The following ESPL1 variants were observed in gnomAD, a reference collection of about 807,000 sequenced individuals.
ESPL1 encodes separin.
Under a neutral mutation model 217.2 loss-of-function variants are expected in ESPL1, and 50 were observed. The ratio of observed to expected loss-of-function variants is 0.23; its 90% confidence interval spans 0.18 to 0.29. The LOEUF (loss-of-function observed/expected upper bound fraction) is 0.29. Ranked by LOEUF, ESPL1 falls within the 10% of genes least tolerant of loss-of-function variation. The probability of loss-of-function intolerance (pLI) is 1.00; values close to 1 mark genes in which losing one functional copy is unlikely to be tolerated. For missense variants in ESPL1, 1,834 were observed against 2,603.0 expected, an observed-to-expected ratio of 0.70 and a Z score of 6.43; for synonymous variants, 994 against 1,081.3, an observed-to-expected ratio of 0.92 and a Z score of 1.58.
In ESPL1 at chr12:53,269,533, A is replaced by G. The variant is rs1267691258; in HGVS notation, c.591A>G (p.Arg197=). Residue 197 remains arginine (R), a synonymous_variant, in exon 3 of 31, where the codon CGA becomes CGG. Coordinates refer to ENST00000257934, the MANE Select transcript of ESPL1 (RefSeq NM_012291.5). The surrounding 1 kb of genome is among the most constrained non-coding windows in gnomAD (Gnocchi z 6.7). ...VPHFASPTAC[R]AVAAHQLFDA... ...ACTTTGCTTCTCCAACAGCCTGTCG[A>G]GCGGTAGCTGCCCATCAGCTATTTG... 33 of 1,614,056 alleles carry G rather than the reference A, an allele frequency of 2.0e-5. No homozygotes were observed. The highest frequency in any genetic ancestry group is 2.5e-5 in the Non-Finnish European group (30 of 1,180,034).
At chr12:53,270,948 C>T (rs1943659292) in intron 5 of ESPL1, 150 bp downstream of exon 5, 3 of 789,738 alleles carry the variant, frequency 3.8e-6, no homozygotes, top group African/African-American at 3.5e-5. Flanking sequence ...GTACCAGCTA[C>T]TCTGTGTTTA....
chr12:53,269,535 C>T lies in ESPL1; in HGVS notation c.593C>T (p.Ala198Val), dbSNP rs1340133033. Residue 198 changes from alanine (A) to valine (V), a missense_variant, in exon 3 of 31, where the codon GCG (alanine) becomes GTG (valine). Ala to Val is a moderately conservative substitution (Grantham distance 64). This residue lies in a region of ESPL1 where 746 missense variants were observed against 1,077.0 expected (regional missense o/e 0.69). Coordinates refer to ENST00000257934, the MANE Select transcript of ESPL1 (RefSeq NM_012291.5). This position sits in a 1 kb window ranked among gnomAD's most constrained non-coding sequence, Gnocchi z 6.7. ...TTTGCTTCTCCAACAGCCTGTCGAG[C>T]GGTAGCTGCCCATCAGCTATTTGAT... ...PHFASPTACRAVAAHQLFDAS... is the reference protein window; with the variant it reads ...PHFASPTACRVVAAHQLFDAS... 1.2e-5 allele frequency: 19 copies of T among 1,614,096 alleles called. No individual in the cohort carries two copies. The highest frequency in any genetic ancestry group is 5.3e-5 in the African/African-American group (4 of 74,942).
At chr12:53,273,534 G>A (rs1943712372) in intron 6 of ESPL1, among the ~76,000 whole-genome samples, 1 of 151,188 alleles carries the variant, frequency 6.6e-6, no homozygotes, top group Admixed American at 6.6e-5. Flanking sequence ...TGAGGCAGGT[G>A]GATCACCTGA....
chr12:53,270,654 C>T, intron 4 of ESPL1, 24 bp from the exon 5 acceptor site: 1 of 1,614,004 alleles, frequency 6.2e-7, no homozygotes. Flanking sequence ...ACTCCTCACT[C>T]TCAAACCCTT....
intron 3 of ESPL1, 61 bp downstream of exon 3, chr12:53,270,146 G>A: frequency 7.0e-7 from 1 of 1,430,258 alleles, no homozygotes; most frequent in East Asian, 2.3e-5. Context: ...ACCAGCCTAG[G>A]GTATTTGGCA....
intron 2 of ESPL1, 26 bp from the exon 3 acceptor site, chr12:53,268,998 C>T (rs1943617758): frequency 6.3e-7 from 1 of 1,582,662 alleles, no homozygotes; most frequent in Non-Finnish European, 8.7e-7. Context: ...TTTGCTAGCC[C>T]CATTCATATC....
rs775146256 is a variant in ESPL1 at position 53,293,519 on chromosome 12, C to G, written c.*45C>G. On this transcript the variant is annotated 3_prime_UTR_variant, in exon 31 of 31. Transcript: ENST00000257934. This position sits in a 1 kb window ranked among gnomAD's most constrained non-coding sequence, Gnocchi z 4.2. ...TGATGCTAGAAGCCTCATAACTGTT[C>G]TACCTCCAAGGTTAGATTTAATCCT... 1 of 1,413,596 alleles carries G rather than the reference C, an allele frequency of 7.1e-7. No individual in the cohort carries two copies. The highest frequency in any genetic ancestry group is 1.0e-6 in the Non-Finnish European group (1 of 999,518). 87.6% of individuals were successfully genotyped at this position (1,413,596 alleles called of 1,614,324 possible).
At chr12:53,283,732 G>C (rs970585446) in intron 16 of ESPL1, among the ~76,000 whole-genome samples, 194 bp downstream of exon 16, 7 of 152,174 alleles carry the variant, frequency 4.6e-5, no homozygotes, top group Non-Finnish European at 1.0e-4. Context: ...TAGGACTCTC[G>C]TGTCCTTCAG....
chr12:53,289,483 G>A lies in ESPL1; in HGVS notation c.5002G>A (p.Val1668Ile). ...GLSLQEMPGD[V>I]PLARIQRLFS... ...GAGCCTTCAGGAGATGCCTGGAGAT[G>A]TCCCCCTGGCCCGCATCCAGCGCCT... The change falls in exon 22 of 31, where the codon GTC becomes ATC. Residue 1668 changes from valine to isoleucine, a missense_variant. Val to Ile is a conservative substitution (Grantham distance 29, BLOSUM62 3). This residue lies in a region of ESPL1 where 681 missense variants were observed against 808.0 expected (regional missense o/e 0.84). Transcript: ENST00000257934. 6.2e-7 allele frequency: 1 copy of A among 1,614,094 alleles called. No homozygotes were observed. Among genetic ancestry groups the A allele is most frequent in the Non-Finnish European group, 8.5e-7 (1 of 1,179,946 alleles).
In ESPL1 at chr12:53,286,126, A is replaced by C. The variant is rs778878194; in HGVS notation, c.3390A>C (p.Lys1130Asn). The change falls in exon 18 of 31, where the codon AAA becomes AAC. Residue 1130 changes from lysine to asparagine, a missense_variant. Physicochemically the swap from Lys to Asn is moderately conservative, Grantham distance 94. Transcript: ENST00000257934. The surrounding 1 kb of genome is among the most constrained non-coding windows in gnomAD (Gnocchi z 5.3). ...CTACAAACTCCTCCCCAGTCTTGAAAACCAAGCCCCAGCCCATACCCAACT... is the reference window on the plus strand; with the variant it reads ...CTACAAACTCCTCCCCAGTCTTGAACACCAAGCCCCAGCCCATACCCAACT... The part of the protein sequence containing the change: ...APSTNSSPVL[K>N]TKPQPIPNFL... 4 of 1,613,820 alleles carry C rather than the reference A, an allele frequency of 2.5e-6. No individual in the cohort carries two copies. The African/African-American group carries it at 5.3e-5, about 22-fold the overall frequency.
At position 53,269,144 on chromosome 12, in the gene ESPL1, C is replaced by A. The variant is rs1249799724; in HGVS notation, c.202C>A (p.Pro68Thr). 6.2e-7 allele frequency: 1 copy of A among 1,614,070 alleles called. No homozygotes were observed. The highest frequency in any genetic ancestry group is 8.5e-7 in the Non-Finnish European group (1 of 1,180,056). Residue 68 changes from proline (P) to threonine (T), a missense_variant, in exon 3 of 31, where the codon CCT (proline) becomes ACT (threonine). This residue lies in a region of ESPL1 where 746 missense variants were observed against 1,077.0 expected (regional missense o/e 0.69). Transcript: ENST00000257934. This position sits in a 1 kb window ranked among gnomAD's most constrained non-coding sequence, Gnocchi z 6.7. ...GCAGCTGACTGCTAAGCTAGCTTGC[C>A]CTAGGCATCTGGGGAGCCTGCTGGA... ...NQQLTAKLAC[P>T]RHLGSLLELA...
rs1041631661 is a variant in ESPL1, at chr12:53,288,690, G to A, written c.4699G>A (p.Val1567Ile). ...GPRLRLPSAP[V>I]ATGLSTLDSI... is the part of the protein sequence containing the mutation. ...TCGGCTCCGGCTCCCCTCAGCCCCC[G>A]TAGCCACTGGTGAATATGCGACCCC... Residue 1567 changes from valine (V) to isoleucine (I), a missense_variant, in exon 20 of 31, where the codon GTA (valine) becomes ATA (isoleucine). Coordinates refer to ENST00000257934, the MANE Select transcript of ESPL1 (RefSeq NM_012291.5). 31 of 1,611,004 alleles carry A rather than the reference G, an allele frequency of 1.9e-5. No homozygotes were observed. The highest frequency in any genetic ancestry group is 2.5e-5 in the Non-Finnish European group (30 of 1,179,156).
At position 53,292,331 on chromosome 12, in the gene ESPL1, T is replaced by C. The variant is rs1944077146; in HGVS notation, c.5850T>C (p.Tyr1950=). The change falls in exon 28 of 31, where the codon TAT becomes TAC. Residue 1950 remains tyrosine (Y), a synonymous_variant. Coordinates refer to ENST00000257934, the MANE Select transcript of ESPL1 (RefSeq NM_012291.5). The surrounding 1 kb of genome is among the most constrained non-coding windows in gnomAD (Gnocchi z 4.5). The stretch of plus-strand genomic sequence containing the variant: ...GGGTGGATCCACGAAGTACCTTCTA[T>C]GTCCTGAACCCTCACAATAACCTGT... ...SQGVDPRSTF[Y]VLNPHNNLSS... 4 of 1,613,974 alleles carry C rather than the reference T, an allele frequency of 2.5e-6. No individual in the cohort carries two copies. The African/African-American group carries it at 4.0e-5, about 16-fold the overall frequency.
rs1292293336 is a variant in ESPL1 at position 53,268,549 on chromosome 12, G to A, written c.-13+172G>A. 3 of 558,838 alleles carry A rather than the reference G, an allele frequency of 5.4e-6. No individual in the cohort carries two copies. In the Admixed American group the frequency reaches 9.4e-5, roughly 18 times the overall value. 34.6% of individuals were successfully genotyped at this position (558,838 alleles called of 1,614,324 possible). ...GGCCTCTGGGGTAGCGCGGCGAGTG[G>A]TGTGGTAGTGCGGTCGGGGATCTGC... On this transcript the variant is annotated intron_variant, in intron 1 of 30. Transcript: ENST00000257934.
In ESPL1 at chr12:53,270,003, G is replaced by T. The variant is rs377669347; in HGVS notation, c.1061G>T (p.Arg354Leu). ...GGCCTGGAACGAGGCACCAAGAGGC[G>T]CTATAGACTTGATGCCATTCTGAGC... ...LSGLERGTKRRYRLDAILSLF... is the reference protein window; with the variant it reads ...LSGLERGTKRLYRLDAILSLF... Residue 354 changes from arginine (R) to leucine (L), a missense_variant, in exon 3 of 31, where the codon CGC becomes CTC. This residue lies in a region of ESPL1 where 746 missense variants were observed against 1,077.0 expected (regional missense o/e 0.69). Coordinates refer to ENST00000257934, the MANE Select transcript of ESPL1 (RefSeq NM_012291.5). 5.0e-6 allele frequency: 8 copies of T among 1,614,172 alleles called. No individual in the cohort carries two copies. Among genetic ancestry groups the T allele is most frequent in the Middle Eastern group, 1.6e-4 (1 of 6,062 alleles).
chr12:53,292,249 C>A lies in ESPL1; in HGVS notation c.5797-29C>A. 1 of 1,542,636 alleles carries A rather than the reference C, an allele frequency of 6.5e-7. No individual in the cohort carries two copies. Among genetic ancestry groups the A allele is most frequent in the Non-Finnish European group, 9.0e-7 (1 of 1,114,910 alleles). Reference sequence around the variant, plus strand: ...AGCTTGGGCCTCTTGGTGAGACAAGCATCCTAATCGCCAGTGTCTCCTCCT... The same window carrying A: ...AGCTTGGGCCTCTTGGTGAGACAAGAATCCTAATCGCCAGTGTCTCCTCCT... On this transcript the variant is annotated intron_variant, in intron 27 of 30. Transcript: ENST00000257934. The surrounding 1 kb of genome is among the most constrained non-coding windows in gnomAD (Gnocchi z 4.5).
At position 53,271,951 on chromosome 12, in the gene ESPL1, G is replaced by A. The variant is rs553979591; in HGVS notation, c.1370-770G>A. 3.3e-5 allele frequency among the ~76,000 whole-genome samples: 5 copies of A among 152,192 alleles called. No homozygotes were observed. In the East Asian group the frequency reaches 9.7e-4, roughly 30 times the overall value. On this transcript the variant is annotated intron_variant, in intron 5 of 30. Transcript: ENST00000257934. ...AAATACAAAAAATTAGCCGGGCGTGGTGGCAGGCGCCTGTACTCCCAGCTA... is the reference window on the plus strand; with the variant it reads ...AAATACAAAAAATTAGCCGGGCGTGATGGCAGGCGCCTGTACTCCCAGCTA...
In ESPL1 at chr12:53,282,205, C is replaced by T. The variant is rs1234074631; in HGVS notation, c.2620-59C>T. The T allele has an allele frequency of 6.8e-7, 1 of 1,479,398 alleles. No homozygotes were observed. Among genetic ancestry groups the T allele is most frequent in the African/African-American group, 1.4e-5 (1 of 72,344 alleles). 91.6% of individuals were successfully genotyped at this position (1,479,398 alleles called of 1,614,324 possible). On this transcript the variant is annotated intron_variant, in intron 13 of 30. Coordinates refer to ENST00000257934, the MANE Select transcript of ESPL1 (RefSeq NM_012291.5). This position sits in a 1 kb window ranked among gnomAD's most constrained non-coding sequence, Gnocchi z 4.0. ...TGGGGCCACGTAATCTCCAGGGCCT[C>T]TCAAGCTCTGGAGTGCCTGACTGCC...
chr12:53,288,567 G>T lies in ESPL1; in HGVS notation c.4576G>T (p.Ala1526Ser). ...GGKTPAPGPEAASGEWELLRL... is the reference protein window; with the variant it reads ...GGKTPAPGPESASGEWELLRL... ...GAAGACTCCAGCTCCGGGCCCTGAGGCAGCTTCTGGAGAATGGGAGCTGCT... is the reference window on the plus strand; with the variant it reads ...GAAGACTCCAGCTCCGGGCCCTGAGTCAGCTTCTGGAGAATGGGAGCTGCT... The change falls in exon 20 of 31, where the codon GCA (alanine) becomes TCA (serine). Residue 1526 changes from alanine to serine, a missense_variant. Ala to Ser is a moderately conservative substitution (Grantham distance 99). Coordinates refer to ENST00000257934, the MANE Select transcript of ESPL1 (RefSeq NM_012291.5). The T allele has an allele frequency of 6.2e-7, 1 of 1,613,510 alleles. No homozygotes were observed. The highest frequency in any genetic ancestry group is 8.5e-7 in the Non-Finnish European group (1 of 1,179,952).
Sources: gnomAD v4.1 joint callset for allele counts (sites outside exome capture counted in the v4.1 genomes callset) on GRCh38, gnomAD v4.1.1 for gene constraint, gnomAD v4.1.1 regional missense constraint, Gnocchi (gnomAD v3.1) non-coding constraint, MANE v1.5 for transcripts, NCBI Gene and HGNC (gene_info 2026-07-23, HGNC 2026-07-21) for gene names.